B3GALT1: variants seen among roughly 807,000 people sequenced by gnomAD.
B3GALT1 encodes UDP-Gal:betaGlcNAc beta 1,3-galactosyltransferase, polypeptide 1.
Under a neutral mutation model 23.2 loss-of-function variants are expected in B3GALT1, and 10 were observed. The observed-to-expected ratio is 0.43, with a 90% CI of 0.27 to 0.73. B3GALT1 has a LOEUF of 0.73. B3GALT1 is among the 30% of genes least tolerant of loss of function. B3GALT1 has a pLI of 0.21. For synonymous variants in B3GALT1, 156 were observed against 141.5 expected, an observed-to-expected ratio of 1.10 and a Z score of -0.73; for missense variants, 299 against 405.4, an observed-to-expected ratio of 0.74 and a Z score of 2.25.
chr2:167,460,667 C>A (rs1699245884), intron 1 of B3GALT1, among the ~76,000 whole-genome samples: 1 of 151,302 alleles, frequency 6.6e-6, no homozygotes. Context: ...TCTTTTTATG[C>A]CTTGTGATTT....
At chr2:167,844,604 G>T (rs564788836) in intron 4 of B3GALT1, among the ~76,000 whole-genome samples, 1 of 152,216 alleles carries the variant, frequency 6.6e-6, no homozygotes, top group African/African-American at 2.4e-5. Flanking sequence ...GAGCTCGCTG[G>T]GTCCCCAAAC....
In B3GALT1 at chr2:167,318,767, C is replaced by A. The variant is rs1696758445; in HGVS notation, c.-511+25433C>A. The stretch of plus-strand genomic sequence containing the variant: ...CTGAGGTGCCTGGGCTTTTGGCCAG[C>A]CTCCCTGGGAGAAATGTTCAGCTGC... On this transcript the variant is annotated intron_variant, in intron 1 of 4. Transcript: ENST00000392690. 1.3e-5 allele frequency among the ~76,000 whole-genome samples: 2 copies of A among 152,054 alleles called. 1 individual carries two copies. The highest frequency in any genetic ancestry group is 2.9e-5 in the Non-Finnish European group (2 of 67,994).
intron 3 of B3GALT1, among the ~76,000 whole-genome samples, chr2:167,781,253 G>T (rs1179956318): frequency 6.6e-6 from 1 of 152,030 alleles, no homozygotes; most frequent in Non-Finnish European, 1.5e-5. Flanking sequence ...AAATTTAAGG[G>T]TGAAAAAGAG....
At chr2:167,718,673 G>C (rs1388524106) in intron 3 of B3GALT1, among the ~76,000 whole-genome samples, 4 of 152,166 alleles carry the variant, frequency 2.6e-5, no homozygotes, top group African/African-American at 7.2e-5. Context: ...AAAACTGTGT[G>C]TTTTTATAAA....
At chr2:167,758,368 C>T (rs1222554586) in intron 3 of B3GALT1, among the ~76,000 whole-genome samples, 4 of 152,186 alleles carry the variant, frequency 2.6e-5, no homozygotes, top group Admixed American at 2.6e-4. Flanking sequence ...CGAATCCTCC[C>T]TGCCCCAGTC....
chr2:167,853,912 C>A (rs1443422305), intron 4 of B3GALT1, among the ~76,000 whole-genome samples: 1 of 152,108 alleles, frequency 6.6e-6, no homozygotes, highest in Non-Finnish European at 1.5e-5. Flanking sequence ...GACAAGTTCA[C>A]AAGAGGGCCA....
At chr2:167,604,403 C>T (rs930790690) in intron 2 of B3GALT1, among the ~76,000 whole-genome samples, 2 of 152,180 alleles carry the variant, frequency 1.3e-5, no homozygotes, top group Non-Finnish European at 2.9e-5. Flanking sequence ...ACTGAGTATG[C>T]AGTTGTGTAT....
At position 167,419,417 on chromosome 2, in the gene B3GALT1, A is replaced by G. The variant is rs113446909; in HGVS notation, c.-510-70760A>G. ...CTGCTGATAAACAAGTATGTATTAGATGCCTTCTATTTGTCTGGTGCTAGG... is the reference window on the plus strand; with the variant it reads ...CTGCTGATAAACAAGTATGTATTAGGTGCCTTCTATTTGTCTGGTGCTAGG... On this transcript the variant is annotated intron_variant, in intron 1 of 4. Coordinates refer to ENST00000392690, the MANE Select transcript of B3GALT1 (RefSeq NM_020981.4). Among the ~76,000 whole-genome samples the G allele has an allele frequency of 7.4e-3, 1,123 of 152,334 alleles. 16 individuals are homozygous for G. The highest frequency in any genetic ancestry group is 0.025 in the African/African-American group (1,060 of 41,576).
intron 1 of B3GALT1, among the ~76,000 whole-genome samples, chr2:167,429,562 T>C (rs1698677029): frequency 6.6e-6 from 1 of 152,108 alleles, no homozygotes; most frequent in Non-Finnish European, 1.5e-5. Context: ...TCTCAAATAG[T>C]GAAAATTTTT....
intron 4 of B3GALT1, among the ~76,000 whole-genome samples, chr2:167,821,254 C>T (rs1310095818): frequency 2.0e-5 from 3 of 151,898 alleles, no homozygotes; most frequent in African/African-American, 7.3e-5. Context: ...GTGAAAAGCC[C>T]AACTTTTATG....
In B3GALT1 at chr2:167,789,425, A is replaced by G. The variant is rs1355901347; in HGVS notation, c.-351-29247A>G. Reference sequence around the variant, plus strand: ...TGGCTTTCTCACCAACAACACGAGCATGATATCTGCTTTATAGGATTGTCT... The same window carrying G: ...TGGCTTTCTCACCAACAACACGAGCGTGATATCTGCTTTATAGGATTGTCT... On this transcript the variant is annotated intron_variant, in intron 3 of 4. Coordinates refer to ENST00000392690, the MANE Select transcript of B3GALT1 (RefSeq NM_020981.4). 3.9e-5 allele frequency among the ~76,000 whole-genome samples: 6 copies of G among 152,308 alleles called. No individual in the cohort carries two copies. In the East Asian group the frequency reaches 7.7e-4, roughly 20 times the overall value.
At chr2:167,794,190 A>G (rs796728197) in intron 3 of B3GALT1, among the ~76,000 whole-genome samples, 12 of 152,362 alleles carry the variant, frequency 7.9e-5, no homozygotes, top group African/African-American at 2.9e-4. Flanking sequence ...CTTGAAACAC[A>G]AACGTGTTCT....
At chr2:167,802,867 G>A (rs1374491754) in intron 3 of B3GALT1, among the ~76,000 whole-genome samples, 4 of 151,880 alleles carry the variant, frequency 2.6e-5, no homozygotes, top group African/African-American at 4.8e-5. Context: ...TTGAAAAATA[G>A]CAATAACAAA....
chr2:167,810,057 C>T (rs1688849973), intron 3 of B3GALT1, among the ~76,000 whole-genome samples: 1 of 151,504 alleles, frequency 6.6e-6, no homozygotes, highest in Non-Finnish European at 1.5e-5. Context: ...ATGAGTGAGG[C>T]TCTGTGGGCG....
intron 1 of B3GALT1, among the ~76,000 whole-genome samples, chr2:167,318,867 C>A (rs1370063809): frequency 6.6e-6 from 1 of 152,068 alleles, no homozygotes; most frequent in Admixed American, 6.5e-5. Context: ...CCACAGAAAG[C>A]CAGCTGTGTA....
intron 2 of B3GALT1, among the ~76,000 whole-genome samples, chr2:167,574,676 T>G (rs1684352859): frequency 6.6e-6 from 1 of 151,786 alleles, no homozygotes; most frequent in Admixed American, 6.6e-5. Flanking sequence ...TTATTGTTTC[T>G]TCATTAATGA....
At chr2:167,452,418 G>A (rs1699105454) in intron 1 of B3GALT1, among the ~76,000 whole-genome samples, 1 of 152,028 alleles carries the variant, frequency 6.6e-6, no homozygotes. Flanking sequence ...CTCTAAATTT[G>A]TCTCAGCTCC....
At chr2:167,417,024 A>G (rs1698482625) in intron 1 of B3GALT1, among the ~76,000 whole-genome samples, 1 of 152,136 alleles carries the variant, frequency 6.6e-6, no homozygotes, top group Non-Finnish European at 1.5e-5. Flanking sequence ...TGGTGCCGGA[A>G]CAAGATAAGA....
chr2:167,570,552 T>C (rs542531956), intron 2 of B3GALT1, among the ~76,000 whole-genome samples: 26 of 152,120 alleles, frequency 1.7e-4, no homozygotes, highest in Middle Eastern at 3.4e-3. Flanking sequence ...AAAAGTGTTA[T>C]AGTTTTAATG....
Sources: gnomAD v4.1 joint callset for allele counts (sites outside exome capture counted in the v4.1 genomes callset) on GRCh38, gnomAD v4.1.1 for gene constraint, MANE v1.5 for transcripts, NCBI Gene and HGNC (gene_info 2026-07-23, HGNC 2026-07-21) for gene names.